The following PREX1 variants were observed in gnomAD, a reference collection of about 807,000 sequenced individuals.
PREX1 encodes phosphatidylinositol-3,4,5-trisphosphate dependent Rac exchange factor 1.
Under a neutral mutation model 198.3 loss-of-function variants are expected in PREX1, and 41 were observed. The observed-to-expected ratio is 0.21, with a 90% CI of 0.16 to 0.27. PREX1 has a LOEUF of 0.27. Ranked by LOEUF, PREX1 falls within the 10% of genes least tolerant of loss-of-function variation. The pLI, the probability that PREX1 is intolerant of heterozygous loss-of-function variation, is 1.00. For synonymous variants in PREX1, 843 were observed against 887.2 expected (o/e 0.95, Z 0.89); for missense variants, 1,620 against 2,200.7 (o/e 0.74, Z 5.28).
At chr20:48,861,728 C>A in the PREX1 span, among the ~76,000 whole-genome samples, 1 of 152,144 alleles carries the variant, frequency 6.6e-6, no homozygotes, top group African/African-American at 2.4e-5. Context: ...AACTCCAACC[C>A]TGGATTCCTC....
intron 31 of PREX1, 109 bp downstream of exon 31, chr20:48,637,602 A>T: frequency 8.6e-7 from 1 of 1,161,840 alleles, no homozygotes; most frequent in Non-Finnish European, 1.2e-6. Context: ...GAGGGGCTCC[A>T]GGCCAAAGCG....
At chr20:48,797,099 A>T (rs531135208) in intron 1 of PREX1, among the ~76,000 whole-genome samples, 1 of 152,138 alleles carries the variant, frequency 6.6e-6, no homozygotes, top group African/African-American at 2.4e-5. Flanking sequence ...TTAAAATTTT[A>T]AAATTTTAAT....
intron 1 of PREX1, among the ~76,000 whole-genome samples, chr20:48,800,135 C>G (rs2090380016): frequency 6.6e-6 from 1 of 152,172 alleles, no homozygotes. Context: ...CACTACAACC[C>G]TTAAGGTAGC....
Position 48,679,475 on chromosome 20 carries a change from C to T in PREX1, c.1540-66G>A, listed in dbSNP as rs2089733104. The T allele has an allele frequency of 4.6e-6, 7 of 1,534,108 alleles. No homozygotes were observed. The East Asian group carries it at 1.1e-4, about 25-fold the overall frequency. ...TCCTTCACGAGCCTCCAAATCCAGG[C>T]TGATGGGAGAGATGGCTTCCAGGAC... On this transcript the variant is annotated intron_variant, in intron 12 of 39. Coordinates refer to ENST00000371941, the MANE Select transcript of PREX1 (RefSeq NM_020820.4).
At chr20:48,669,985 G>A (rs532235601) in intron 14 of PREX1, among the ~76,000 whole-genome samples, 4 of 152,140 alleles carry the variant, frequency 2.6e-5, no homozygotes. Context: ...CCATGTACAA[G>A]GAGCTGCAGG....
intron 1 of PREX1, among the ~76,000 whole-genome samples, chr20:48,784,912 TTCTC>T (rs2090305050): frequency 6.6e-6 from 1 of 151,180 alleles, no homozygotes; most frequent in Admixed American, 6.6e-5. Context: ...TTCTATTTCT[TTCTC>T]TCTTTTTTTT....
rs1232218258 is a variant in PREX1, at chr20:48,691,754, G to C, written c.1037-658C>G. The stretch of plus-strand genomic sequence containing the variant: ...ATCCATCACCCAAAGAATGGATGAA[G>C]TGTGAAATGTTCACGTGACGGAACA... On this transcript the variant is annotated intron_variant, in intron 8 of 39. Transcript: ENST00000371941. This position sits in a 1 kb window ranked among gnomAD's most constrained non-coding sequence, Gnocchi z 5.0. Among the ~76,000 whole-genome samples, 1 of 152,222 alleles carries C rather than the reference G, an allele frequency of 6.6e-6. No homozygotes were observed.
At chr20:48,700,012 C>A (rs775089390) in intron 7 of PREX1, among the ~76,000 whole-genome samples, 4 of 152,198 alleles carry the variant, frequency 2.6e-5, no homozygotes, top group Non-Finnish European at 5.9e-5. Context: ...GCCATCTGCG[C>A]CTCATCCCGT....
At chr20:48,884,017 G>A in the PREX1 span, among the ~76,000 whole-genome samples, 1 of 151,840 alleles carries the variant, frequency 6.6e-6, no homozygotes, top group Non-Finnish European at 1.5e-5. Flanking sequence ...GTGGACGCCT[G>A]TAGTCTCAGC....
At chr20:48,785,444 A>G (rs2090307754) in intron 1 of PREX1, among the ~76,000 whole-genome samples, 1 of 152,208 alleles carries the variant, frequency 6.6e-6, no homozygotes, top group South Asian at 2.1e-4. Flanking sequence ...CTCCACTGCC[A>G]TCCATTCTGC....
chr20:48,782,350 T>C (rs2090293624), intron 1 of PREX1, among the ~76,000 whole-genome samples: 1 of 152,184 alleles, frequency 6.6e-6, no homozygotes, highest in Non-Finnish European at 1.5e-5. Flanking sequence ...GAAACCCCTT[T>C]CACTTGGTTC....
At chr20:48,849,620 T>C in the PREX1 span, among the ~76,000 whole-genome samples, 1 of 152,232 alleles carries the variant, frequency 6.6e-6, no homozygotes, top group Non-Finnish European at 1.5e-5. Context: ...TAAATATAAC[T>C]CATAGATCTT....
Position 48,750,980 on chromosome 20 carries a change from G to C in PREX1, c.220-3100C>G, listed in dbSNP as rs6066841. 5.5e-3 allele frequency among the ~76,000 whole-genome samples: 845 copies of C among 152,326 alleles called. 1 individual carries two copies. Among genetic ancestry groups the C allele is most frequent in the Non-Finnish European group, 8.9e-3 (606 of 68,032 alleles). On this transcript the variant is annotated intron_variant, in intron 1 of 39. Coordinates refer to ENST00000371941, the MANE Select transcript of PREX1 (RefSeq NM_020820.4). ...AATCATAGGAATACAGCACCTTTTA[G>C]AATGTCATGGGATAAAGTGAATGGA...
chr20:48,652,727 G>A (rs779724034), intron 20 of PREX1, 21 bp from the exon 21 acceptor site: 18 of 1,606,910 alleles, frequency 1.1e-5, no homozygotes, highest in Admixed American at 1.7e-5. Context: ...CCAGAGTAAG[G>A]GGACAGCCAT....
chr20:48,762,427 A>G (rs2090185421), intron 1 of PREX1, among the ~76,000 whole-genome samples: 1 of 152,188 alleles, frequency 6.6e-6, no homozygotes, highest in Non-Finnish European at 1.5e-5. Context: ...TCTAGATACA[A>G]ATAACAACCC....
chr20:48,650,839 T>A, intron 23 of PREX1, 55 bp downstream of exon 23: 1 of 1,569,992 alleles, frequency 6.4e-7, no homozygotes. Context: ...TATCCCAGGC[T>A]GAGATGCTAT....
Position 48,636,685 on chromosome 20 carries a change from TG to T in PREX1, c.3947-3del. The T allele has an allele frequency of 1.3e-6, 2 of 1,598,364 alleles. No individual in the cohort carries two copies. ...CTCTGCGCAGCTGCAGCTCCGTGTC[TG>T]GGGGCAGAGGGCAGGAGGCCTTGCT... is the stretch of plus-strand genomic sequence containing the variant. On this transcript the variant is annotated splice_region_variant and splice_polypyrimidine_tract_variant and intron_variant, in intron 31 of 39. Transcript: ENST00000371941.
the PREX1 span, among the ~76,000 whole-genome samples, chr20:48,857,001 G>A: frequency 6.6e-6 from 1 of 152,056 alleles, no homozygotes; most frequent in African/African-American, 2.4e-5. Flanking sequence ...CACCATGCCC[G>A]GCTAATTTTT....
chr20:48,690,457 C>T lies in PREX1; in HGVS notation c.1186+490G>A, dbSNP rs374293284. The stretch of plus-strand genomic sequence containing the variant: ...GTCTCTGCACAAAACAGCCCGGTGC[C>T]TCCACACAGTTGTTGCACGCCCACC... On this transcript the variant is annotated intron_variant, in intron 9 of 39. Coordinates refer to ENST00000371941, the MANE Select transcript of PREX1 (RefSeq NM_020820.4). Among the ~76,000 whole-genome samples the T allele has an allele frequency of 1.6e-3, 240 of 152,230 alleles. 1 individual carries two copies. Among genetic ancestry groups the T allele is most frequent in the African/African-American group, 5.2e-3 (215 of 41,526 alleles).
Sources: allele counts gnomAD v4.1 joint callset (sites outside exome capture counted in the v4.1 genomes callset), GRCh38; gene constraint gnomAD v4.1.1; non-coding constraint Gnocchi (gnomAD v3.1); transcripts MANE v1.5; gene names NCBI Gene and HGNC (gene_info 2026-07-23, HGNC 2026-07-21).